Variants in ATP2B4 observed in about 807,000 individuals in gnomAD.
ATP2B4 encodes ATPase plasma membrane Ca2+ transporting 4.
ATP2B4 carries 39 observed loss-of-function variants against 110.3 expected under a neutral mutation model. That is an observed-to-expected ratio of 0.35 (90% CI 0.27 to 0.46). ATP2B4 has a LOEUF of 0.46. Among genes scored for constraint, ATP2B4 ranks in the 20% least tolerant of loss-of-function variants. ATP2B4 has a pLI of 1.00. For missense variants in ATP2B4, 1,135 were observed against 1,530.9 expected (o/e 0.74, Z 4.32); for synonymous variants, 538 against 571.7 (o/e 0.94, Z 0.84).
chr1:203,703,832 CGTT>C lies in ATP2B4; in HGVS notation c.1099+22_1099+24del. The stretch of plus-strand genomic sequence containing the variant: ...AAAGCCGGTGAGTAGGGTAGAGCCT[CGTT>C]GTGGTTTATCAATGTTGTCTTGGAT... On this transcript the variant is annotated intron_variant, in intron 8 of 20. Coordinates refer to ENST00000357681, the MANE Select transcript of ATP2B4 (RefSeq NM_001684.5). The C allele has an allele frequency of 6.2e-7, 1 of 1,610,308 alleles. No homozygotes were observed. The highest frequency in any genetic ancestry group is 1.7e-5 in the Admixed American group (1 of 59,662).
intron 1 of ATP2B4, among the ~76,000 whole-genome samples, chr1:203,630,820 G>A (rs1571658054): frequency 6.6e-6 from 1 of 152,128 alleles, no homozygotes; most frequent in Non-Finnish European, 1.5e-5. Context: ...TGTCAGACTG[G>A]GATGACAACC....
At chr1:203,650,665 G>C (rs570277304) in intron 1 of ATP2B4, among the ~76,000 whole-genome samples, 36 of 152,264 alleles carry the variant, frequency 2.4e-4, no homozygotes, top group African/African-American at 8.2e-4. Flanking sequence ...GGCGGGGAGC[G>C]GGGCGGGCTA....
chr1:203,676,293 G>T (rs1664826481), intron 1 of ATP2B4, among the ~76,000 whole-genome samples: 1 of 152,202 alleles, frequency 6.6e-6, no homozygotes. Context: ...TTAGGGCAGG[G>T]CAGACATGGG....
At chr1:203,728,306 C>T in intron 20 of ATP2B4, 1 of 390,570 alleles carries the variant, frequency 2.6e-6, no homozygotes, top group Non-Finnish European at 5.2e-6. Context: ...TTATTTTTTC[C>T]ACTTTCCATG....
At chr1:203,658,200 C>CT (rs372279422) in intron 1 of ATP2B4, among the ~76,000 whole-genome samples, 39 of 152,086 alleles carry the variant, frequency 2.6e-4, no homozygotes, top group African/African-American at 8.2e-4. Flanking sequence ...CAAGGTATGC[C>CT]TGTACTAAAA....
chr1:203,710,398 T>C (rs145165253), intron 11 of ATP2B4, among the ~76,000 whole-genome samples: 69 of 152,052 alleles, frequency 4.5e-4, no homozygotes, highest in African/African-American at 1.6e-3. Context: ...ATTAATAAAT[T>C]ACCCATAGTT....
At chr1:203,670,459 G>A (rs865802202) in intron 1 of ATP2B4, among the ~76,000 whole-genome samples, 2 of 152,232 alleles carry the variant, frequency 1.3e-5, no homozygotes, top group South Asian at 2.1e-4. Flanking sequence ...GATTACAGGC[G>A]TGAGCCACTG....
intron 7 of ATP2B4, among the ~76,000 whole-genome samples, chr1:203,702,436 G>A (rs980404464): frequency 3.3e-5 from 5 of 152,104 alleles, no homozygotes; most frequent in Admixed American, 2.0e-4. Context: ...AAGACTTCAG[G>A]GTCCTCATGG....
intron 2 of ATP2B4, among the ~76,000 whole-genome samples, chr1:203,684,606 C>A (rs1665125001): frequency 6.6e-6 from 1 of 151,878 alleles, no homozygotes; most frequent in Non-Finnish European, 1.5e-5. Flanking sequence ...GATCTGCCTG[C>A]CTTGGCCTCC....
At chr1:203,662,098 A>G (rs1664355305) in intron 1 of ATP2B4, among the ~76,000 whole-genome samples, 1 of 150,512 alleles carries the variant, frequency 6.6e-6, no homozygotes, top group Admixed American at 6.6e-5. Flanking sequence ...GCACGATCTC[A>G]CTGCAAGCTC....
intron 15 of ATP2B4, among the ~76,000 whole-genome samples, chr1:203,719,957 C>T (rs1043468895): frequency 6.6e-6 from 1 of 151,802 alleles, no homozygotes; most frequent in Non-Finnish European, 1.5e-5. Context: ...CCTGTAGTCC[C>T]GTTACTCAGG....
intron 2 of ATP2B4, among the ~76,000 whole-genome samples, chr1:203,690,115 A>G (rs1665320351): frequency 6.6e-6 from 1 of 152,158 alleles, no homozygotes; most frequent in South Asian, 2.1e-4. Flanking sequence ...CCAAATTACA[A>G]TTTTGTTTTA....
chr1:203,678,168 CAG>C (rs1491093209), intron 1 of ATP2B4, among the ~76,000 whole-genome samples: 2 of 152,190 alleles, frequency 1.3e-5, no homozygotes, highest in African/African-American at 2.4e-5. Flanking sequence ...CGGGGAGACT[CAG>C]GGGGTGAGTT....
intron 17 of ATP2B4, among the ~76,000 whole-genome samples, chr1:203,721,897 G>T (rs957617352): frequency 6.6e-6 from 1 of 152,072 alleles, no homozygotes; most frequent in African/African-American, 2.4e-5. Context: ...TCCTGACCTT[G>T]TGATCTGCCC....
rs186643894 is a variant in ATP2B4, at chr1:203,706,626, C to T, written c.1100-383C>T. The stretch of plus-strand genomic sequence containing the variant: ...ATGAAATGGACAAGTACAGTCATGA[C>T]ATTATGAATCGCAGGGAGAGGGTGG... On this transcript the variant is annotated intron_variant, in intron 8 of 20. Transcript: ENST00000357681. Among the ~76,000 whole-genome samples, 140 of 152,188 alleles carry T rather than the reference C, an allele frequency of 9.2e-4. 1 individual carries two copies. The highest frequency in any genetic ancestry group is 3.2e-3 in the African/African-American group (131 of 41,522).
At chr1:203,679,843 C>T (rs746379948) in intron 1 of ATP2B4, among the ~76,000 whole-genome samples, 16 of 152,064 alleles carry the variant, frequency 1.1e-4, no homozygotes, top group Non-Finnish European at 1.8e-4. Flanking sequence ...GATTGCGCCA[C>T]TGCACTCCAG....
At chr1:203,714,985 A>C (rs1467471643) in intron 15 of ATP2B4, among the ~76,000 whole-genome samples, 1 of 152,128 alleles carries the variant, frequency 6.6e-6, no homozygotes, top group East Asian at 1.9e-4. Flanking sequence ...ATTGACAGGT[A>C]CCTGTCACTC....
Position 203,698,152 on chromosome 1 carries a change from T to C in ATP2B4, c.194-5T>C. The C allele has an allele frequency of 6.2e-7, 1 of 1,614,128 alleles. No homozygotes were observed. Among genetic ancestry groups the C allele is most frequent in the Non-Finnish European group, 8.5e-7 (1 of 1,180,002 alleles). ...TTCATTCATCCACTCCTATCTCCTT[T>C]TCAGGTCTGTCTGGGAACCCTGCAG... On this transcript the variant is annotated splice_region_variant and splice_polypyrimidine_tract_variant and intron_variant, in intron 2 of 20. Coordinates refer to ENST00000357681, the MANE Select transcript of ATP2B4 (RefSeq NM_001684.5).
intron 3 of ATP2B4, among the ~76,000 whole-genome samples, 172 bp from the exon 4 acceptor site, chr1:203,699,286 TAA>T (rs543007174): frequency 5.1e-4 from 78 of 152,222 alleles, no homozygotes; most frequent in Non-Finnish European, 1.0e-3. Flanking sequence ...ACACTAGTGA[TAA>T]GACAATACTC....
Sources: allele counts gnomAD v4.1 joint callset (sites outside exome capture counted in the v4.1 genomes callset), GRCh38; gene constraint gnomAD v4.1.1; transcripts MANE v1.5; gene names NCBI Gene and HGNC (gene_info 2026-07-23, HGNC 2026-07-21).